Variants in TMX3 observed in about 807,000 individuals in gnomAD.
TMX3 encodes the protein thioredoxin related transmembrane protein 3, also known as protein disulfide-isomerase TMX3.
Under a neutral mutation model 64.4 loss-of-function variants are expected in TMX3, and 40 were observed. That is an observed-to-expected ratio of 0.62 (90% CI 0.48 to 0.81). The LOEUF (loss-of-function observed/expected upper bound fraction) is 0.81, where lower values mean the gene tolerates loss of function less well. TMX3 is among the 30% of genes least tolerant of loss of function. The pLI is 0.00. For missense variants in TMX3, 497 were observed against 534.5 expected, an observed-to-expected ratio of 0.93 and a Z score of 0.69; for synonymous variants, 189 against 175.7, an observed-to-expected ratio of 1.08 and a Z score of -0.60.
chr18:68,696,642 A>G (rs1175180009), intron 8 of TMX3, among the ~76,000 whole-genome samples: 1 of 151,248 alleles, frequency 6.6e-6, no homozygotes, highest in Non-Finnish European at 1.5e-5. Flanking sequence ...ATGCCTGGCT[A>G]GTTTTTGTAT....
intron 4 of TMX3, among the ~76,000 whole-genome samples, chr18:68,704,283 T>C (rs2030434987): frequency 6.6e-6 from 1 of 152,182 alleles, no homozygotes; most frequent in South Asian, 2.1e-4. Flanking sequence ...ATTTTATAAC[T>C]GGCGTTAATA....
chr18:68,680,203 C>T (rs1206215298), intron 14 of TMX3, among the ~76,000 whole-genome samples: 1 of 152,044 alleles, frequency 6.6e-6, no homozygotes, highest in Non-Finnish European at 1.5e-5. Flanking sequence ...ACTCTGTAAG[C>T]AAATTTTAAA....
rs2031122554 is a variant in TMX3, at chr18:68,710,123, G to T, written c.163C>A (p.His55Asn). 1.3e-6 allele frequency: 2 copies of T among 1,585,060 alleles called. No individual in the cohort carries two copies. Among genetic ancestry groups the T allele is most frequent in the East Asian group, 2.3e-5 (1 of 43,496 alleles). ...CAAATTGGTTCCAGCTTTTTACAAT[G>T]GCCACACCATGGCGCATAAAACTTG... The part of the protein sequence containing the change: ...LVDFYAPWCG[H>N]CKKLEPIWNE... Residue 55 changes from histidine (H) to asparagine (N), a missense_variant, in exon 4 of 16, where the codon CAT (histidine) becomes AAT (asparagine). Physicochemically the swap from His to Asn is moderately conservative, Grantham distance 68. Around this residue, in one of 3 missense-constraint regions of TMX3, gnomAD observed 360 missense variants for 383.5 expected, o/e 0.94. Transcript: ENST00000299608.
intron 6 of TMX3, among the ~76,000 whole-genome samples, chr18:68,698,317 G>C (rs1039579932): frequency 2.0e-5 from 3 of 151,998 alleles, no homozygotes; most frequent in Non-Finnish European, 2.9e-5. Context: ...TATTTTGATG[G>C]GCAAAAAGAG....
intron 5 of TMX3, chr18:68,701,104 AAAGT>A (rs2030015698): frequency 2.5e-6 from 2 of 811,348 alleles, no homozygotes; most frequent in East Asian, 1.3e-4. Context: ...CTTAACACAA[AAAGT>A]AAGAGGCTAA....
intron 2 of TMX3, among the ~76,000 whole-genome samples, chr18:68,712,281 G>A (rs924996749): frequency 6.6e-6 from 1 of 152,194 alleles, no homozygotes; most frequent in African/African-American, 2.4e-5. Context: ...TATCTGCTGA[G>A]AATATCCTGG....
In TMX3 at chr18:68,710,121, A is replaced by G; in HGVS notation, c.165T>C (p.His55=). 1 of 1,599,052 alleles carries G rather than the reference A, an allele frequency of 6.3e-7. No homozygotes were observed. The highest frequency in any genetic ancestry group is 1.7e-4 in the Middle Eastern group (1 of 6,034). Residue 55 remains histidine (H), a synonymous_variant, in exon 4 of 16, where the codon CAT becomes CAC. Coordinates refer to ENST00000299608, the MANE Select transcript of TMX3 (RefSeq NM_019022.5). ...TCCAAATTGGTTCCAGCTTTTTACA[A>G]TGGCCACACCATGGCGCATAAAACT... is the stretch of plus-strand genomic sequence containing the variant. ...LVDFYAPWCG[H]CKKLEPIWNE...
At chr18:68,707,977 A>ATGTGTATGTG (rs1568203155) in intron 4 of TMX3, among the ~76,000 whole-genome samples, 1 of 149,338 alleles carries the variant, frequency 6.7e-6, no homozygotes, top group Non-Finnish European at 1.5e-5. Flanking sequence ...GTGTACATAT[A>ATGTGTATGTG]TGTGTATGTG....
chr18:68,703,000 C>A (rs553447949), intron 4 of TMX3, among the ~76,000 whole-genome samples: 1 of 152,296 alleles, frequency 6.6e-6, no homozygotes, highest in Non-Finnish European at 1.5e-5. Flanking sequence ...TCTGAAGATA[C>A]AGGTCCTGCT....
In TMX3 at chr18:68,676,785, G is replaced by C; in HGVS notation, c.*148C>G. 1 of 964,584 alleles carries C rather than the reference G, an allele frequency of 1.0e-6. No individual in the cohort carries two copies. Among genetic ancestry groups the C allele is most frequent in the Non-Finnish European group, 1.5e-6 (1 of 669,830 alleles). 59.8% of individuals were successfully genotyped at this position (964,584 alleles called of 1,614,324 possible). A position where few individuals can be genotyped will look rare whatever the true frequency, so the allele number is the denominator to read the frequency against. ...TGCTCCAAACACTTCCCCATGTATG[G>C]AGGGACTACTTTAATCCATGCAGTT... is the stretch of plus-strand genomic sequence containing the variant. On this transcript the variant is annotated 3_prime_UTR_variant, in exon 16 of 16. Transcript: ENST00000299608.
intron 10 of TMX3, 191 bp downstream of exon 10, chr18:68,687,476 A>G (rs921586651): frequency 6.1e-6 from 6 of 985,344 alleles, no homozygotes; most frequent in Non-Finnish European, 7.2e-6. Flanking sequence ...CTCTTTAATC[A>G]CTGACCCACA....
chr18:68,713,984 T>C (rs141000309), intron 1 of TMX3, 84 bp from the exon 2 acceptor site: 10 of 967,370 alleles, frequency 1.0e-5, no homozygotes, highest in African/African-American at 1.7e-5. Flanking sequence ...TGAAGTGTTT[T>C]TGACCTTTCA....
At position 68,706,449 on chromosome 18, in the gene TMX3, T is replaced by TA. The variant is rs2030677339; in HGVS notation, c.265+3571dup. Reference sequence around the variant, plus strand: ...AAATAAAGAAATAAAATAAAAGAAATAAAATAAATAAAATAAAAAATACAG... The same window carrying TA: ...AAATAAAGAAATAAAATAAAAGAAATAAAAATAAATAAAATAAAAAATACAG... On this transcript the variant is annotated intron_variant, in intron 4 of 15. Transcript: ENST00000299608. 2.0e-5 allele frequency: 3 copies of TA among 151,564 alleles called. No homozygotes were observed. In the South Asian group the frequency reaches 6.2e-4, roughly 32 times the overall value. 9.4% of individuals were successfully genotyped at this position (151,564 alleles called of 1,614,324 possible).
intron 8 of TMX3, among the ~76,000 whole-genome samples, chr18:68,695,665 C>T (rs74934178): frequency 0.047 from 7,168 of 152,244 alleles, 444 homozygotes; most frequent in African/African-American, 0.14. Flanking sequence ...ATTCTATCTT[C>T]TAAACACAAC....
At position 68,674,096 on chromosome 18, in the gene TMX3, A is replaced by G. The variant is rs1032211744; in HGVS notation, c.*2837T>C. On this transcript the variant is annotated 3_prime_UTR_variant, in exon 16 of 16. Coordinates refer to ENST00000299608, the MANE Select transcript of TMX3 (RefSeq NM_019022.5). ...AAGTCACTAACAATATCCACTAAACAAAAACAGTACTGCTAATTCACCTGC... is the reference window on the plus strand; with the variant it reads ...AAGTCACTAACAATATCCACTAAACGAAAACAGTACTGCTAATTCACCTGC... 1 of 152,120 alleles carries G rather than the reference A, an allele frequency of 6.6e-6. No homozygotes were observed. Among genetic ancestry groups the G allele is most frequent in the African/African-American group, 2.4e-5 (1 of 41,448 alleles). The allele number at this position is 152,120 out of a possible 1,614,324, so 9.4% of individuals were successfully genotyped here.
chr18:68,680,911 T>C (rs1288782169), intron 14 of TMX3, 70 bp downstream of exon 14: 4 of 1,389,494 alleles, frequency 2.9e-6, no homozygotes, highest in Non-Finnish European at 2.8e-6. Context: ...GAATCACAAG[T>C]AAAGAAATGA....
intron 8 of TMX3, among the ~76,000 whole-genome samples, chr18:68,694,851 C>T (rs1914901999): frequency 6.6e-6 from 1 of 152,086 alleles, no homozygotes; most frequent in African/African-American, 2.4e-5. Context: ...TAAACACCTA[C>T]TTCGGCAAGT....
At chr18:68,708,703 A>G (rs530230673) in intron 4 of TMX3, among the ~76,000 whole-genome samples, 35 of 152,292 alleles carry the variant, frequency 2.3e-4, no homozygotes, top group African/African-American at 8.4e-4. Flanking sequence ...TTGCCTTCAC[A>G]AAAATGTGTA....
Position 68,714,934 on chromosome 18 carries a change from A to G in TMX3, c.46+2T>C. 1 of 1,563,204 alleles carries G rather than the reference A, an allele frequency of 6.4e-7. No homozygotes were observed. The highest frequency in any genetic ancestry group is 8.7e-7 in the Non-Finnish European group (1 of 1,154,402). ...GCGTCCCGACCGCTGAGCCCCCATTACCTGTGGCGCAGAGCCGCAGGGCCG... is the reference window on the plus strand; with the variant it reads ...GCGTCCCGACCGCTGAGCCCCCATTGCCTGTGGCGCAGAGCCGCAGGGCCG... On this transcript the variant is annotated splice_donor_variant, in intron 1 of 15. Transcript: ENST00000299608. LOFTEE classifies it high-confidence loss of function.
Sources: allele counts gnomAD v4.1 joint callset (sites outside exome capture counted in the v4.1 genomes callset), GRCh38; gene constraint gnomAD v4.1.1; regional missense constraint gnomAD v4.1.1; transcripts MANE v1.5; gene names NCBI Gene and HGNC (gene_info 2026-07-23, HGNC 2026-07-21).